SORCS1: variants seen among roughly 807,000 people sequenced by gnomAD.
The protein encoded by SORCS1 is VPS10 domain-containing receptor SorCS1.
A neutral mutation model predicts 146.1 loss-of-function variants in SORCS1; 60 were observed. That is an observed-to-expected ratio of 0.41 (90% CI 0.33 to 0.51). SORCS1 has a LOEUF of 0.51. SORCS1 is among the 20% of genes least tolerant of loss of function. The pLI is 0.21. For missense variants in SORCS1, 1,352 were observed against 1,487.6 expected (o/e 0.91, Z 1.50); for synonymous variants, 637 against 584.0 (o/e 1.09, Z -1.31).
At chr10:107,167,829 G>T (rs981581254), upstream of SORCS1, among the ~76,000 whole-genome samples, 10 of 151,914 alleles carry the variant, frequency 6.6e-5, no homozygotes, top group African/African-American at 2.2e-4. Context: ...TATAAAGAGA[G>T]AGACAGAAGC....
chr10:106,667,817 C>A lies in SORCS1; in HGVS notation c.2190-15G>T. 1 of 1,604,978 alleles carries A rather than the reference C, an allele frequency of 6.2e-7. No homozygotes were observed. Among genetic ancestry groups the A allele is most frequent in the Non-Finnish European group, 8.5e-7 (1 of 1,173,528 alleles). On this transcript the variant is annotated splice_polypyrimidine_tract_variant and intron_variant, in intron 16 of 25. Coordinates refer to ENST00000263054, the MANE Select transcript of SORCS1 (RefSeq NM_052918.5). ...AACCATAGTCGCTGTTAGGAAAGAG[C>A]CGAGAAAAACCTTTCACTAGGTGGC...
At chr10:106,667,666 A>G in intron 17 of SORCS1, 23 bp downstream of exon 17, 1 of 1,581,928 alleles carries the variant, frequency 6.3e-7, no homozygotes. Context: ...TGGCCTCTCA[A>G]GGTCACTACT....
chr10:106,637,654 T>C (rs747642033), intron 18 of SORCS1, among the ~76,000 whole-genome samples: 7 of 152,196 alleles, frequency 4.6e-5, no homozygotes, highest in Non-Finnish European at 8.8e-5. Flanking sequence ...AGACCATGAA[T>C]TTCAGAGACA....
At chr10:106,722,328 C>T (rs999571790) in intron 6 of SORCS1, among the ~76,000 whole-genome samples, 3 of 152,010 alleles carry the variant, frequency 2.0e-5, no homozygotes, top group East Asian at 1.9e-4. Context: ...ATTTCAGCAG[C>T]GCTTACCTTA....
intron 1 of SORCS1, among the ~76,000 whole-genome samples, chr10:107,057,357 G>C (rs1960744387): frequency 6.6e-6 from 1 of 152,132 alleles, no homozygotes; most frequent in South Asian, 2.1e-4. Context: ...TTAGTTCTTA[G>C]AGAAAGGAAT....
chr10:106,669,176 G>T (rs118131991), intron 16 of SORCS1, among the ~76,000 whole-genome samples: 1 of 152,092 alleles, frequency 6.6e-6, no homozygotes, highest in East Asian at 1.9e-4. Flanking sequence ...CGGGAGAGGA[G>T]AAATCTAATT....
chr10:106,596,214 ACTG>A (rs1477709895), intron 24 of SORCS1, among the ~76,000 whole-genome samples: 1 of 152,082 alleles, frequency 6.6e-6, no homozygotes, highest in Non-Finnish European at 1.5e-5. Context: ...ACTACTCTCC[ACTG>A]CCAATTCTTC....
At chr10:107,116,884 GATTT>G (rs1326486276) in intron 1 of SORCS1, among the ~76,000 whole-genome samples, 1 of 152,134 alleles carries the variant, frequency 6.6e-6, no homozygotes, top group East Asian at 1.9e-4. Context: ...GCTATCAACA[GATTT>G]ATTAAATGTC....
chr10:106,944,964 C>A (rs1017422015), intron 2 of SORCS1, among the ~76,000 whole-genome samples: 1 of 139,080 alleles, frequency 7.2e-6, no homozygotes, highest in Non-Finnish European at 1.5e-5. Flanking sequence ...TGGCTCACTG[C>A]AACCTCTGGC....
At chr10:106,666,612 A>C (rs1411865693) in intron 17 of SORCS1, among the ~76,000 whole-genome samples, 1 of 147,514 alleles carries the variant, frequency 6.8e-6, no homozygotes, top group Non-Finnish European at 1.5e-5. Flanking sequence ...GCTGGAGTGC[A>C]GTGGTGCAAT....
At chr10:107,039,789 C>T (rs149707771) in intron 1 of SORCS1, among the ~76,000 whole-genome samples, 1 of 152,300 alleles carries the variant, frequency 6.6e-6, no homozygotes, top group African/African-American at 2.4e-5. Context: ...CATTTCTTCA[C>T]AGAATATAGT....
At chr10:106,944,874 C>CTTCTTTTTTTTTTTTTT (rs1954241926) in intron 2 of SORCS1, among the ~76,000 whole-genome samples, 1 of 36,576 alleles carries the variant, frequency 2.7e-5, no homozygotes, top group Non-Finnish European at 5.0e-5. Flanking sequence ...AAAGAGCCTT[C>CTTCTTTTTTTTTTTTTT]TTTTTTTTTT....
chr10:106,996,417 A>T (rs1957007016), intron 1 of SORCS1, among the ~76,000 whole-genome samples: 1 of 152,122 alleles, frequency 6.6e-6, no homozygotes, highest in African/African-American at 2.4e-5. Flanking sequence ...GCTTTCATAG[A>T]ATCAGATAAC....
intron 1 of SORCS1, among the ~76,000 whole-genome samples, chr10:107,036,828 T>G (rs1268062990): frequency 2.6e-5 from 4 of 152,238 alleles, no homozygotes; most frequent in African/African-American, 9.6e-5. Flanking sequence ...ATCTCATGGT[T>G]AAGAAAATGC....
chr10:107,098,143 T>C (rs1964661258), intron 1 of SORCS1, among the ~76,000 whole-genome samples: 2 of 152,354 alleles, frequency 1.3e-5, no homozygotes, highest in South Asian at 4.1e-4. Context: ...TTTTTGTTGT[T>C]GTTGTCTATG....
chr10:107,160,615 T>G (rs868814714), intron 1 of SORCS1, among the ~76,000 whole-genome samples: 2 of 152,046 alleles, frequency 1.3e-5, no homozygotes, highest in African/African-American at 2.4e-5. Flanking sequence ...CATGGAAAAA[T>G]AGAAGTCAAG....
chr10:106,843,573 A>G (rs574287478), intron 2 of SORCS1, among the ~76,000 whole-genome samples: 13 of 151,930 alleles, frequency 8.6e-5, no homozygotes, highest in African/African-American at 2.9e-4. Flanking sequence ...CTGGGACTAC[A>G]GGCATCTGCC....
chr10:106,683,197 T>C (rs1376174999), intron 10 of SORCS1, among the ~76,000 whole-genome samples: 1 of 152,218 alleles, frequency 6.6e-6, no homozygotes, highest in Non-Finnish European at 1.5e-5. Flanking sequence ...TTTTAACCAA[T>C]AAAATACTTT....
At chr10:106,726,838 G>C (rs1212535933) in intron 6 of SORCS1, among the ~76,000 whole-genome samples, 1 of 151,992 alleles carries the variant, frequency 6.6e-6, no homozygotes, top group Non-Finnish European at 1.5e-5. Context: ...TATAATCCCA[G>C]CACTTTGGGA....
Sources: gnomAD v4.1 joint callset for allele counts (sites outside exome capture counted in the v4.1 genomes callset) on GRCh38, gnomAD v4.1.1 for gene constraint, MANE v1.5 for transcripts, NCBI Gene and HGNC (gene_info 2026-07-23, HGNC 2026-07-21) for gene names.